The following ARHGAP42 variants were observed in gnomAD, a reference collection of about 807,000 sequenced individuals.
ARHGAP42 encodes the protein Rho GTPase activating protein 42.
ARHGAP42 carries 63 observed loss-of-function variants against 125.0 expected under a neutral mutation model. That is an observed-to-expected ratio of 0.50 (90% CI 0.41 to 0.62). The LOEUF is 0.62. ARHGAP42 is among the 20% of genes least tolerant of loss of function. The probability of loss-of-function intolerance (pLI) is 0.00; values close to 1 mark genes in which losing one functional copy is unlikely to be tolerated. For synonymous variants in ARHGAP42, 339 were observed against 351.0 expected (o/e 0.97, Z 0.38); for missense variants, 766 against 1,024.2 (o/e 0.75, Z 3.44).
At chr11:100,703,926 C>T (rs1259523238) in intron 1 of ARHGAP42, among the ~76,000 whole-genome samples, 1 of 152,126 alleles carries the variant, frequency 6.6e-6, no homozygotes, top group African/African-American at 2.4e-5. Flanking sequence ...AAGTGCTTTC[C>T]TAGGTGTCTC....
At chr11:100,751,279 G>GTTTTTTTTTTT (rs71465331) in intron 1 of ARHGAP42, among the ~76,000 whole-genome samples, 1 of 93,480 alleles carries the variant, frequency 1.1e-5, no homozygotes, top group Non-Finnish European at 2.0e-5. Context: ...GTGTGTGTGT[G>GTTTTTTTTTTT]TTTTTTTTTT....
At chr11:100,982,071 A>T (rs1362878941) in intron 22 of ARHGAP42, among the ~76,000 whole-genome samples, 2 of 152,204 alleles carry the variant, frequency 1.3e-5, no homozygotes, top group African/African-American at 4.8e-5. Context: ...AGGTGAAGGT[A>T]CCTAGCAAGG....
intron 6 of ARHGAP42, among the ~76,000 whole-genome samples, chr11:100,931,435 A>G (rs1350995494): frequency 3.3e-5 from 5 of 152,168 alleles, no homozygotes; most frequent in Non-Finnish European, 7.4e-5. Flanking sequence ...TCTTTTTTCC[A>G]TGTTCTAGAA....
At chr11:100,978,563 A>G (rs1454044886) in intron 21 of ARHGAP42, among the ~76,000 whole-genome samples, 2 of 150,596 alleles carry the variant, frequency 1.3e-5, no homozygotes, top group Non-Finnish European at 3.0e-5. Context: ...ATACATCAAT[A>G]GTATTATAAT....
At position 100,837,666 on chromosome 11, in the gene ARHGAP42, C is replaced by CTTTTTTTTTTTTTTTTTTTTTTTTTT. The variant is rs373059302; in HGVS notation, c.313-21882_313-21857dup. On this transcript the variant is annotated intron_variant, in intron 3 of 23. Coordinates refer to ENST00000298815, the MANE Select transcript of ARHGAP42 (RefSeq NM_152432.4). ...CAGTTCCCAGAATCTAGGTGTCATC[C>CTTTTTTTTTTTTTTTTTTTTTTTTTT]TTTTTTTTTTTTTTTTTTTTTTTTT... 2.3e-4 allele frequency among the ~76,000 whole-genome samples: 14 copies of CTTTTTTTTTTTTTTTTTTTTTTTTTT among 61,054 alleles called. 2 individuals carry two copies. The highest frequency in any genetic ancestry group is 5.9e-4 in the East Asian group (1 of 1,708). The allele number at this position is 61,054 out of a possible 152,430, so 40.1% of individuals were successfully genotyped here.
chr11:100,983,234 A>G (rs1435781093), intron 22 of ARHGAP42, among the ~76,000 whole-genome samples: 1 of 152,226 alleles, frequency 6.6e-6, no homozygotes, highest in Non-Finnish European at 1.5e-5. Flanking sequence ...ACATTTTAAA[A>G]TATGTATTTA....
intron 4 of ARHGAP42, among the ~76,000 whole-genome samples, chr11:100,877,689 C>A (rs1379683114): frequency 6.6e-6 from 1 of 152,120 alleles, no homozygotes; most frequent in African/African-American, 2.4e-5. Context: ...TTCAGGACAG[C>A]TCCTTAACTG....
At chr11:100,815,152 A>G (rs918636945) in intron 3 of ARHGAP42, among the ~76,000 whole-genome samples, 3 of 152,224 alleles carry the variant, frequency 2.0e-5, no homozygotes, top group African/African-American at 4.8e-5. Context: ...GCAGGACCCA[A>G]AATTATTTAA....
intron 16 of ARHGAP42, 27 bp from the exon 17 acceptor site, chr11:100,965,644 G>T (rs1326322237): frequency 1.2e-5 from 19 of 1,527,944 alleles, no homozygotes; most frequent in Non-Finnish European, 1.7e-5. Context: ...TAAAACTTGA[G>T]CATTTGCAAT....
chr11:100,844,552 G>T (rs994937473), intron 3 of ARHGAP42, among the ~76,000 whole-genome samples: 4 of 151,794 alleles, frequency 2.6e-5, no homozygotes, highest in Admixed American at 6.6e-5. Flanking sequence ...CTATACATCT[G>T]ACAAAGGACT....
At chr11:100,855,775 A>C (rs1865309691) in intron 3 of ARHGAP42, among the ~76,000 whole-genome samples, 1 of 152,108 alleles carries the variant, frequency 6.6e-6, no homozygotes, top group Non-Finnish European at 1.5e-5. Context: ...CTATATTGTA[A>C]AGTATTACCA....
intron 4 of ARHGAP42, among the ~76,000 whole-genome samples, chr11:100,911,999 C>G (rs181053959): frequency 2.6e-5 from 4 of 152,258 alleles, no homozygotes; most frequent in Non-Finnish European, 5.9e-5. Context: ...TAAAGCAGAA[C>G]CTGACTTACT....
chr11:100,751,593 G>A (rs988396414), intron 1 of ARHGAP42, among the ~76,000 whole-genome samples: 2 of 151,758 alleles, frequency 1.3e-5, no homozygotes, highest in Non-Finnish European at 2.9e-5. Flanking sequence ...CCCAGTGGTG[G>A]ATGGAGGTCC....
intron 1 of ARHGAP42, among the ~76,000 whole-genome samples, chr11:100,703,332 A>C (rs1362037606): frequency 6.6e-6 from 1 of 152,216 alleles, no homozygotes; most frequent in Non-Finnish European, 1.5e-5. Context: ...TATTTCTTGC[A>C]GGATTTTTGT....
chr11:100,877,454 GA>G (rs1865847642), intron 4 of ARHGAP42, among the ~76,000 whole-genome samples: 1 of 152,146 alleles, frequency 6.6e-6, no homozygotes, highest in Admixed American at 6.5e-5. Flanking sequence ...ACACTTTCAG[GA>G]TAGATTCTGT....
chr11:100,737,396 A>G (rs1862088815), intron 1 of ARHGAP42, among the ~76,000 whole-genome samples: 1 of 152,202 alleles, frequency 6.6e-6, no homozygotes, highest in African/African-American at 2.4e-5. Flanking sequence ...AGACAATGCT[A>G]GCGTAGAATC....
intron 4 of ARHGAP42, among the ~76,000 whole-genome samples, chr11:100,900,771 G>C (rs902625685): frequency 6.6e-6 from 1 of 152,022 alleles, no homozygotes; most frequent in South Asian, 2.1e-4. Context: ...GGTCATTTAA[G>C]GTCTTCTCTA....
chr11:100,770,410 T>C lies in ARHGAP42; in HGVS notation c.222T>C (p.Asp74=). 2.6e-6 allele frequency: 4 copies of C among 1,550,754 alleles called. No homozygotes were observed. The highest frequency in any genetic ancestry group is 3.5e-6 in the Non-Finnish European group (4 of 1,146,410). ...ATTTCCAGTTTGAATGTATTGGTGA[T>C]GCTGAAACAGATGATGAAATTAGTA... The part of the protein sequence containing the change: ...LQDFQFECIG[D]AETDDEISIA... The change falls in exon 2 of 24, where the codon GAT becomes GAC. Residue 74 remains aspartate (D), a synonymous_variant. Transcript: ENST00000298815.
chr11:100,757,119 G>C (rs1009340540), intron 1 of ARHGAP42, among the ~76,000 whole-genome samples: 3 of 152,140 alleles, frequency 2.0e-5, no homozygotes, highest in African/African-American at 7.2e-5. Flanking sequence ...CAATAAGAAT[G>C]AGACTTTTTA....
Sources: allele counts gnomAD v4.1 joint callset (sites outside exome capture counted in the v4.1 genomes callset), GRCh38; gene constraint gnomAD v4.1.1; transcripts MANE v1.5; gene names NCBI Gene and HGNC (gene_info 2026-07-23, HGNC 2026-07-21).